Variants in SMOC1 observed in about 807,000 individuals in gnomAD.
SMOC1 encodes SPARC-related modular calcium-binding protein 1.
SMOC1 carries 22 observed loss-of-function variants against 56.3 expected under a neutral mutation model. The ratio of observed to expected loss-of-function variants is 0.39; its 90% confidence interval spans 0.28 to 0.56. The LOEUF (loss-of-function observed/expected upper bound fraction) is 0.56, where lower values mean the gene tolerates loss of function less well. SMOC1 is among the 20% of genes least tolerant of loss of function. The pLI, the probability that SMOC1 is intolerant of heterozygous loss-of-function variation, is 0.61. For synonymous variants in SMOC1, 193 were observed against 215.0 expected, an observed-to-expected ratio of 0.90 and a Z score of 0.89; for missense variants, 509 against 565.4, an observed-to-expected ratio of 0.90 and a Z score of 1.01.
At chr14:69,918,351 CTG>C (rs1444628670) in intron 1 of SMOC1, among the ~76,000 whole-genome samples, 1 of 152,116 alleles carries the variant, frequency 6.6e-6, no homozygotes, top group Non-Finnish European at 1.5e-5. Flanking sequence ...GCCTCCACCT[CTG>C]AGCAGCTGGG....
chr14:70,014,840 C>G (rs1885451029), intron 10 of SMOC1, among the ~76,000 whole-genome samples: 1 of 152,188 alleles, frequency 6.6e-6, no homozygotes, highest in Non-Finnish European at 1.5e-5. Flanking sequence ...AGGAATGCCA[C>G]AAAGAGAACA....
At position 70,030,191 on chromosome 14, in the gene SMOC1, C is replaced by T. The variant is rs759866722; in HGVS notation, c.1292-51C>T. 4 of 1,603,168 alleles carry T rather than the reference C, an allele frequency of 2.5e-6. No homozygotes were observed. The African/African-American group carries it at 5.5e-5, about 22-fold the overall frequency. On this transcript the variant is annotated intron_variant, in intron 11 of 11. Coordinates refer to ENST00000361956, the MANE Select transcript of SMOC1 (RefSeq NM_001034852.3). Reference sequence around the variant, plus strand: ...CCCAACTCTAACTTCTTGCTTATATCTGCCCCCGACCTTTTTTTTTTTTTT... The same window carrying T: ...CCCAACTCTAACTTCTTGCTTATATTTGCCCCCGACCTTTTTTTTTTTTTT...
rs762079 is a variant in SMOC1, at chr14:70,021,714, T to C, written c.1047-1489T>C. ...AACAGGGATGGATGACTGGCTTTTT[T>C]TCCCCCCGCATAATGGAACTTCTTT... On this transcript the variant is annotated intron_variant, in intron 10 of 11. Coordinates refer to ENST00000361956, the MANE Select transcript of SMOC1 (RefSeq NM_001034852.3). Among the ~76,000 whole-genome samples, 480 of 151,858 alleles carry C rather than the reference T, an allele frequency of 3.2e-3. 3 individuals are homozygous for C. The highest frequency in any genetic ancestry group is 0.01 in the African/African-American group (431 of 41,444).
At chr14:69,995,336 G>A (rs935058060) in intron 7 of SMOC1, among the ~76,000 whole-genome samples, 4 of 152,202 alleles carry the variant, frequency 2.6e-5, no homozygotes, top group African/African-American at 9.6e-5. Flanking sequence ...CCTAATGGTG[G>A]CGATGTGGCA....
intron 1 of SMOC1, among the ~76,000 whole-genome samples, chr14:69,911,347 C>T (rs1189734783): frequency 6.6e-6 from 1 of 152,220 alleles, no homozygotes; most frequent in East Asian, 1.9e-4. Flanking sequence ...CATATTTAAA[C>T]TTTCAAAGTT....
chr14:69,909,227 A>G (rs1006957831), intron 1 of SMOC1, among the ~76,000 whole-genome samples: 3 of 152,210 alleles, frequency 2.0e-5, no homozygotes, highest in African/African-American at 7.2e-5. Context: ...GCATATCATC[A>G]TAAATATGTG....
chr14:69,895,585 C>A (rs993881962), intron 1 of SMOC1, among the ~76,000 whole-genome samples: 1 of 152,140 alleles, frequency 6.6e-6, no homozygotes, highest in Non-Finnish European at 1.5e-5. Flanking sequence ...TGACCAGGGT[C>A]CTCCTTCTTT....
At chr14:69,955,662 C>T (rs1489424580) in intron 3 of SMOC1, among the ~76,000 whole-genome samples, 1 of 150,346 alleles carries the variant, frequency 6.7e-6, no homozygotes, top group Non-Finnish European at 1.5e-5. Context: ...ATCTTTCTAT[C>T]ATGTCGATAC....
chr14:69,944,040 G>A (rs1049698977), intron 1 of SMOC1, among the ~76,000 whole-genome samples: 68 of 152,274 alleles, frequency 4.5e-4, no homozygotes, highest in Non-Finnish European at 3.4e-4. Flanking sequence ...GCCCAGCCTC[G>A]GTTTTCTCCT....
intron 1 of SMOC1, among the ~76,000 whole-genome samples, chr14:69,918,524 G>C (rs1240950205): frequency 6.6e-6 from 1 of 152,076 alleles, no homozygotes; most frequent in Non-Finnish European, 1.5e-5. Context: ...CACCACGCTC[G>C]GCTGATCCTG....
At chr14:69,884,453 T>G (rs1883739094) in intron 1 of SMOC1, among the ~76,000 whole-genome samples, 4 of 152,188 alleles carry the variant, frequency 2.6e-5, no homozygotes, top group Admixed American at 1.3e-4. Flanking sequence ...GCTTTTTAGT[T>G]TGGTATAATT....
intron 1 of SMOC1, among the ~76,000 whole-genome samples, chr14:69,915,966 T>A (rs1247848343): frequency 6.6e-6 from 1 of 152,244 alleles, no homozygotes; most frequent in Admixed American, 6.5e-5. Context: ...TCTAATTTTA[T>A]GGTTTAAATA....
rs564865327 is a variant in SMOC1, at chr14:69,932,250, A to C, written c.100-19888A>C. 1.9e-3 allele frequency among the ~76,000 whole-genome samples: 292 copies of C among 152,370 alleles called. 1 individual carries two copies. Among genetic ancestry groups the C allele is most frequent in the Non-Finnish European group, 3.2e-3 (218 of 68,030 alleles). On this transcript the variant is annotated intron_variant, in intron 1 of 11. Transcript: ENST00000361956. ...GAAGCCACAGGCACAGCCCCTGAAC[A>C]GGAACAGCTTCCTGAAGGGCTCAGG...
In SMOC1 at chr14:69,915,670, C is replaced by T. The variant is rs189965197; in HGVS notation, c.99+35893C>T. Among the ~76,000 whole-genome samples, 185 of 152,360 alleles carry T rather than the reference C, an allele frequency of 1.2e-3. 1 individual carries two copies. The highest frequency in any genetic ancestry group is 3.4e-3 in the Middle Eastern group (1 of 294). ...CCATTACGTCCCTGAAACAACTTGT[C>T]AGTGTCACCAATGACCTCCAAGCTG... is the stretch of plus-strand genomic sequence containing the variant. On this transcript the variant is annotated intron_variant, in intron 1 of 11. Transcript: ENST00000361956.
At position 70,011,536 on chromosome 14, in the gene SMOC1, G is replaced by A. The variant is rs747456617; in HGVS notation, c.909G>A (p.Ala303=). 6.7e-5 allele frequency: 108 copies of A among 1,613,662 alleles called. No individual in the cohort carries two copies. The highest frequency in any genetic ancestry group is 8.9e-5 in the Non-Finnish European group (105 of 1,179,960). ...ACGCCAGGGCCAAGACTACAGAGGC[G>A]GATGACCCCTTCAAGGACAGGGAGC... ...ESDARAKTTE[A]DDPFKDRELP... is the part of the protein sequence containing the mutation. The change falls in exon 9 of 12, where the codon GCG becomes GCA. Residue 303 remains alanine, a synonymous_variant. Transcript: ENST00000361956.
chr14:69,999,284 T>TG (rs77951687), intron 7 of SMOC1, among the ~76,000 whole-genome samples: 10,477 of 152,186 alleles, frequency 0.069, 889 homozygotes, highest in African/African-American at 0.21. Context: ...GACTGGGACT[T>TG]GGGGTCACTG....
intron 5 of SMOC1, among the ~76,000 whole-genome samples, chr14:69,987,513 C>T (rs1377384451): frequency 1.3e-5 from 2 of 152,168 alleles, no homozygotes; most frequent in Non-Finnish European, 2.9e-5. Context: ...CATTGTACAC[C>T]CAAACAATTA....
In SMOC1 at chr14:70,030,432, T is replaced by A; in HGVS notation, c.*174T>A. 1.5e-6 allele frequency: 1 copy of A among 646,540 alleles called. No homozygotes were observed. The highest frequency in any genetic ancestry group is 2.6e-6 in the Non-Finnish European group (1 of 386,652). The allele number at this position is 646,540 out of a possible 1,614,324, so 40.1% of individuals were successfully genotyped here. On this transcript the variant is annotated 3_prime_UTR_variant, in exon 12 of 12. Transcript: ENST00000361956. ...GCGTGTTTTGTTTTTGGTTTCATTT[T>A]AAAACACCAATATCTAATACCACAG...
At chr14:70,030,097 T>C (rs1886083734) in intron 11 of SMOC1, 145 bp from the exon 12 acceptor site, 3 of 1,225,686 alleles carry the variant, frequency 2.4e-6, no homozygotes, top group Non-Finnish European at 3.5e-6. Flanking sequence ...CCTAGCCTCA[T>C]AGAGGACAGC....
Sources: allele counts gnomAD v4.1 joint callset (sites outside exome capture counted in the v4.1 genomes callset), GRCh38; gene constraint gnomAD v4.1.1; transcripts MANE v1.5; gene names NCBI Gene and HGNC (gene_info 2026-07-23, HGNC 2026-07-21).